Variants in GINM1 observed in about 807,000 individuals in gnomAD.
GINM1 encodes glycosylated integral membrane protein 1, also known as glycoprotein integral membrane protein 1.
A neutral mutation model predicts 37.8 loss-of-function variants in GINM1; 29 were observed. That is an observed-to-expected ratio of 0.77 (90% CI 0.57 to 1.05). The LOEUF (loss-of-function observed/expected upper bound fraction) is 1.05. Among genes scored for constraint, GINM1 ranks in the 50% least tolerant of loss-of-function variants. The pLI is 0.00. For missense variants in GINM1, 377 were observed against 397.9 expected, an observed-to-expected ratio of 0.95 and a Z score of 0.45; for synonymous variants, 143 against 146.2, an observed-to-expected ratio of 0.98 and a Z score of 0.16.
At chr6:149,571,873 G>A (rs1582731952) in intron 1 of GINM1, among the ~76,000 whole-genome samples, 1 of 152,060 alleles carries the variant, frequency 6.6e-6, no homozygotes, top group Middle Eastern at 3.4e-3. Flanking sequence ...ACGAGATCAG[G>A]AGTTCAAGAC....
rs769956021 is a variant in GINM1 at position 149,583,490 on chromosome 6, C to T, written c.881+887C>T. Among the ~76,000 whole-genome samples, 3 of 150,916 alleles carry T rather than the reference C, an allele frequency of 2.0e-5. No homozygotes were observed. In the East Asian group the frequency reaches 5.8e-4, roughly 29 times the overall value. On this transcript the variant is annotated intron_variant, in intron 7 of 7. Coordinates refer to ENST00000367419, the MANE Select transcript of GINM1 (RefSeq NM_138785.5). ...AAAATAAAAATAAAAACTAGCTGGG[C>T]GTGTGGCACCCATCTGTAGTCCCAG...
At chr6:149,579,321 G>C (rs1777962382) in intron 4 of GINM1, among the ~76,000 whole-genome samples, 2 of 152,186 alleles carry the variant, frequency 1.3e-5, no homozygotes, top group African/African-American at 4.8e-5. Flanking sequence ...GCTTATAATA[G>C]TAAGTGTTAA....
In GINM1 at chr6:149,572,489, A is replaced by T; in HGVS notation, c.181-18A>T. On this transcript the variant is annotated intron_variant, in intron 2 of 7. Coordinates refer to ENST00000367419, the MANE Select transcript of GINM1 (RefSeq NM_138785.5). ...TTTATAAATATTGGAATTAATGTATATGCTGCTTTATTTTAAGGTTGTTCT... is the reference window on the plus strand; with the variant it reads ...TTTATAAATATTGGAATTAATGTATTTGCTGCTTTATTTTAAGGTTGTTCT... The T allele has an allele frequency of 7.0e-7, 1 of 1,434,020 alleles. No homozygotes were observed. The highest frequency in any genetic ancestry group is 9.7e-7 in the Non-Finnish European group (1 of 1,032,760). The allele number at this position is 1,434,020 out of a possible 1,614,324, so 88.8% of individuals were successfully genotyped here.
At chr6:149,568,813 A>T (rs900503794) in intron 1 of GINM1, among the ~76,000 whole-genome samples, 3 of 152,116 alleles carry the variant, frequency 2.0e-5, no homozygotes, top group African/African-American at 7.2e-5. Flanking sequence ...AAGATTGCAC[A>T]TAAGATTGAA....
At position 149,572,518 on chromosome 6, in the gene GINM1, C is replaced by T. The variant is rs370341345; in HGVS notation, c.192C>T (p.Asn64=). The part of the protein sequence containing the change: ...GDISKQQVVL[N]ITYESGQVYV... ...TGCTTTATTTTAAGGTTGTTCTTAA[C>T]ATAACCTATGAGAGTGGACAGGTGT... Residue 64 remains asparagine, a synonymous_variant, in exon 3 of 8, where the codon AAC becomes AAT. Transcript: ENST00000367419. The T allele has an allele frequency of 2.2e-5, 35 of 1,580,280 alleles. No homozygotes were observed. Among genetic ancestry groups the T allele is most frequent in the Non-Finnish European group, 2.9e-5 (34 of 1,157,356 alleles).
At chr6:149,589,715 T>G (rs183580617) in intron 7 of GINM1, among the ~76,000 whole-genome samples, 2 of 152,374 alleles carry the variant, frequency 1.3e-5, no homozygotes, top group Admixed American at 1.3e-4. Context: ...TTTCCATATA[T>G]GTTAGTCTTT....
intron 7 of GINM1, among the ~76,000 whole-genome samples, chr6:149,587,608 G>C (rs944972672): frequency 2.0e-5 from 3 of 152,202 alleles, no homozygotes; most frequent in Non-Finnish European, 2.9e-5. Context: ...GACATGGGGA[G>C]GGGGAGAGGG....
At position 149,587,187 on chromosome 6, in the gene GINM1, T is replaced by A. The variant is rs115374146; in HGVS notation, c.882-3540T>A. Reference sequence around the variant, plus strand: ...AGGAAAAACCAAAGCATAGGAAAAATACTTTGGTTTTTCCTACTCTGACAC... The same window carrying A: ...AGGAAAAACCAAAGCATAGGAAAAAAACTTTGGTTTTTCCTACTCTGACAC... On this transcript the variant is annotated intron_variant, in intron 7 of 7. Transcript: ENST00000367419. 5.8e-3 allele frequency among the ~76,000 whole-genome samples: 884 copies of A among 152,164 alleles called. 8 individuals are homozygous for A. Among genetic ancestry groups the A allele is most frequent in the African/African-American group, 0.02 (848 of 41,492 alleles).
At chr6:149,584,537 A>G (rs1778043884) in intron 7 of GINM1, 1 of 152,178 alleles carries the variant, frequency 6.6e-6, no homozygotes, top group Non-Finnish European at 1.5e-5. Context: ...GCACCTGCAG[A>G]GTAAAGAAAT....
At chr6:149,590,173 A>T (rs894250810) in intron 7 of GINM1, among the ~76,000 whole-genome samples, 6 of 152,032 alleles carry the variant, frequency 3.9e-5, no homozygotes, top group African/African-American at 1.4e-4. Flanking sequence ...TTGTTCTTTT[A>T]AAAAAAATCT....
chr6:149,580,190 T>A (rs1777978594), intron 5 of GINM1, among the ~76,000 whole-genome samples, 200 bp downstream of exon 5: 1 of 152,228 alleles, frequency 6.6e-6, no homozygotes, highest in Non-Finnish European at 1.5e-5. Flanking sequence ...TTTAAGGACT[T>A]TAGGACTCTA....
At chr6:149,582,186 A>G (rs1370337951) in intron 6 of GINM1, 1 of 557,132 alleles carries the variant, frequency 1.8e-6, no homozygotes, top group Non-Finnish European at 3.5e-6. Flanking sequence ...TTTACAGGCT[A>G]TTAACATTTT....
intron 7 of GINM1, among the ~76,000 whole-genome samples, chr6:149,589,417 C>T (rs1349335541): frequency 2.6e-5 from 4 of 151,748 alleles, no homozygotes; most frequent in South Asian, 2.1e-4. Context: ...GGATTACAGG[C>T]GTGCACCACC....
Position 149,591,083 on chromosome 6 carries a change from A to AG in GINM1, c.*246dup. 3 of 329,522 alleles carry AG rather than the reference A, an allele frequency of 9.1e-6. No homozygotes were observed. Among genetic ancestry groups the AG allele is most frequent in the African/African-American group, 2.1e-5 (1 of 46,542 alleles). 20.4% of individuals were successfully genotyped at this position (329,522 alleles called of 1,614,324 possible). On this transcript the variant is annotated 3_prime_UTR_variant, in exon 8 of 8. Coordinates refer to ENST00000367419, the MANE Select transcript of GINM1 (RefSeq NM_138785.5). ...GCCAATGCGGGCGGATCACGAGGTC[A>AG]GATCAAGACCATCCTGCCAACATGG... is the stretch of plus-strand genomic sequence containing the variant.
chr6:149,582,688 T>C (rs1778020413), intron 7 of GINM1, 85 bp downstream of exon 7: 1 of 1,001,140 alleles, frequency 1.0e-6, no homozygotes, highest in East Asian at 2.8e-5. Context: ...ATAGAAAATA[T>C]AAAAATTAGA....
chr6:149,570,188 AT>A (rs1562269828), intron 1 of GINM1, among the ~76,000 whole-genome samples: 15 of 93,000 alleles, frequency 1.6e-4, no homozygotes, highest in South Asian at 3.3e-4. Flanking sequence ...ATATATATAT[AT>A]ATATATATAA....
chr6:149,570,141 TATA>T (rs1777790667), intron 1 of GINM1, among the ~76,000 whole-genome samples: 1 of 6,986 alleles, frequency 1.4e-4, no homozygotes, highest in Non-Finnish European at 1.6e-3. Flanking sequence ...AGGTTTTATA[TATA>T]TATATATATA....
At chr6:149,583,561 G>A (rs916454398) in intron 7 of GINM1, among the ~76,000 whole-genome samples, 45 of 151,596 alleles carry the variant, frequency 3.0e-4, no homozygotes, top group Admixed American at 1.6e-3. Flanking sequence ...CCCGGAAGGC[G>A]GAGGTTGTGG....
At chr6:149,584,413 AC>A (rs1778042544) in intron 7 of GINM1, 1 of 152,160 alleles carries the variant, frequency 6.6e-6, no homozygotes, top group African/African-American at 2.4e-5. Context: ...TTGAACATTT[AC>A]TTTTCCACTT....
Sources: gnomAD v4.1 joint callset for allele counts (sites outside exome capture counted in the v4.1 genomes callset) on GRCh38, gnomAD v4.1.1 for gene constraint, MANE v1.5 for transcripts, NCBI Gene and HGNC (gene_info 2026-07-23, HGNC 2026-07-21) for gene names.